The following PCLO variants were observed in gnomAD, a reference collection of about 807,000 sequenced individuals.
PCLO encodes the protein piccolo presynaptic cytomatrix protein, also known as protein piccolo.
Under a neutral mutation model 427.5 loss-of-function variants are expected in PCLO, and 82 were observed. That is an observed-to-expected ratio of 0.19 (90% CI 0.16 to 0.23). PCLO has a LOEUF of 0.23. Among genes scored for constraint, PCLO ranks in the 10% least tolerant of loss-of-function variants. PCLO has a pLI of 1.00. For missense variants in PCLO, 6,239 were observed against 6,115.9 expected (o/e 1.02, Z -0.67); for synonymous variants, 2,357 against 2,155.4 (o/e 1.09, Z -2.59).
intron 3 of PCLO, among the ~76,000 whole-genome samples, chr7:83,096,887 T>C (rs1180345119): frequency 3.2e-5 from 2 of 61,900 alleles, no homozygotes; most frequent in Non-Finnish European, 5.2e-5. Flanking sequence ...AAATATATTA[T>C]ATAATATATT....
intron 3 of PCLO, among the ~76,000 whole-genome samples, chr7:83,074,480 G>A (rs999671438): frequency 3.3e-5 from 5 of 150,270 alleles, no homozygotes; most frequent in African/African-American, 9.8e-5. Context: ...TGCCCAGATA[G>A]GCTGCATGGA....
chr7:82,864,003 T>G (rs1162100528), intron 10 of PCLO, among the ~76,000 whole-genome samples: 1 of 152,060 alleles, frequency 6.6e-6, no homozygotes, highest in Non-Finnish European at 1.5e-5. Flanking sequence ...ATCCCCATTT[T>G]CACAATAAAA....
intron 10 of PCLO, among the ~76,000 whole-genome samples, chr7:82,853,101 C>G (rs1792707696): frequency 6.6e-6 from 1 of 152,064 alleles, no homozygotes; most frequent in African/African-American, 2.4e-5. Flanking sequence ...CAGGTACAAT[C>G]TCTTTACCCA....
chr7:82,994,583 T>A (rs188552765), intron 3 of PCLO, among the ~76,000 whole-genome samples: 2 of 147,938 alleles, frequency 1.4e-5, no homozygotes, highest in Admixed American at 6.9e-5. Context: ...ATTTTATTTT[T>A]TATATATATT....
Position 82,766,096 on chromosome 7 carries a change from A to G in PCLO, c.15008-4603T>C, listed in dbSNP as rs138003205. ...AGGAAAAGAGAAATGAATTGACAAA[A>G]CCCTGAGAATTATTACTAAATCCCC... On this transcript the variant is annotated intron_variant, in intron 22 of 24. Transcript: ENST00000333891. Among the ~76,000 whole-genome samples, 884 of 152,184 alleles carry G rather than the reference A, an allele frequency of 5.8e-3. 5 individuals are homozygous for G. Among genetic ancestry groups the G allele is most frequent in the African/African-American group, 0.02 (823 of 41,548 alleles).
At chr7:82,968,517 C>CTTTTTTTTTTTTTTTTTTT (rs11324005) in intron 3 of PCLO, among the ~76,000 whole-genome samples, 2 of 73,216 alleles carry the variant, frequency 2.7e-5, no homozygotes, top group African/African-American at 9.6e-5. Flanking sequence ...CAGAGTCTGA[C>CTTTTTTTTTTTTTTTTTTT]TTTTTTTTTT....
intron 3 of PCLO, among the ~76,000 whole-genome samples, chr7:83,110,720 T>C (rs2116521952): frequency 6.6e-6 from 1 of 152,284 alleles, no homozygotes; most frequent in South Asian, 2.1e-4. Flanking sequence ...TACTCCAACT[T>C]TACTTGATTT....
intron 20 of PCLO, among the ~76,000 whole-genome samples, chr7:82,819,390 T>G (rs1471489247): frequency 6.6e-6 from 1 of 152,084 alleles, no homozygotes; most frequent in Non-Finnish European, 1.5e-5. Flanking sequence ...ATATAAAATG[T>G]CATATAGAAA....
intron 3 of PCLO, among the ~76,000 whole-genome samples, chr7:83,064,930 G>C (rs34709701): frequency 0.36 from 54,180 of 151,620 alleles, 9,767 homozygotes; most frequent in Middle Eastern, 0.42. Context: ...GTGGGAGATG[G>C]ATTCTGTTGG....
intron 22 of PCLO, among the ~76,000 whole-genome samples, chr7:82,789,283 A>G (rs778535997): frequency 6.6e-6 from 1 of 152,236 alleles, no homozygotes; most frequent in Non-Finnish European, 1.5e-5. Context: ...TGTAAAAAAT[A>G]GTTGAATCAA....
intron 10 of PCLO, among the ~76,000 whole-genome samples, chr7:82,855,018 G>C (rs112995359): frequency 0.024 from 3,726 of 152,148 alleles, 59 homozygotes; most frequent in Middle Eastern, 0.037. Flanking sequence ...TTCTAGGTCT[G>C]AGTACATTGA....
In PCLO at chr7:83,134,263, G is replaced by A. The variant is rs1166645227; in HGVS notation, c.3287C>T (p.Pro1096Leu). ...VCNLCGFNPT[P>L]HLTEIQEWLC... The stretch of plus-strand genomic sequence containing the variant: ...TATATAACTTACCTCAGTCAAATGT[G>A]GTGTAGGGTTAAATCCACAGAGATT... Residue 1096 changes from proline to leucine, a missense_variant, in exon 3 of 25, where the codon CCA becomes CTA. This residue lies in a region of PCLO where 4,677 missense variants were observed against 4,468.4 expected (regional missense o/e 1.05). Transcript: ENST00000333891. 1 of 1,411,984 alleles carries A rather than the reference G, an allele frequency of 7.1e-7. No homozygotes were observed. The highest frequency in any genetic ancestry group is 1.8e-4 in the Middle Eastern group (1 of 5,518). 87.5% of individuals were successfully genotyped at this position (1,411,984 alleles called of 1,614,324 possible). A position where few individuals can be genotyped will look rare whatever the true frequency, so the allele number is the denominator to read the frequency against.
intron 2 of PCLO, among the ~76,000 whole-genome samples, chr7:83,143,996 G>A (rs1434357984): frequency 6.6e-6 from 1 of 152,158 alleles, no homozygotes; most frequent in Non-Finnish European, 1.5e-5. Context: ...TTATATTAGT[G>A]AAAAGAATCA....
At position 83,096,905 on chromosome 7, in the gene PCLO, TATTATCTAA is replaced by T. The variant is rs1348982284; in HGVS notation, c.3300+37336_3300+37344del. ...TATATTATATAATATATTAATATTA[TATTATCTAA>T]ATATATATAATATAATATAATATAT... On this transcript the variant is annotated intron_variant, in intron 3 of 24. Coordinates refer to ENST00000333891, the MANE Select transcript of PCLO (RefSeq NM_033026.6). 4.7e-3 allele frequency among the ~76,000 whole-genome samples: 247 copies of T among 52,370 alleles called. 21 individuals are homozygous for T. The highest frequency in any genetic ancestry group is 7.9e-3 in the East Asian group (11 of 1,400). The allele number at this position is 52,370 out of a possible 152,430, so 34.4% of individuals were successfully genotyped here.
intron 2 of PCLO, among the ~76,000 whole-genome samples, chr7:83,139,885 C>A (rs950604228): frequency 1.3e-5 from 2 of 152,110 alleles, no homozygotes; most frequent in Admixed American, 6.5e-5. Context: ...CTGGCCAAAT[C>A]TGTTGAAGGT....
chr7:83,104,262 A>G (rs1302008690), intron 3 of PCLO, among the ~76,000 whole-genome samples: 4 of 152,058 alleles, frequency 2.6e-5, no homozygotes, highest in Admixed American at 2.6e-4. Flanking sequence ...AAGTAAATTC[A>G]AAAGTCTTAT....
In PCLO at chr7:83,139,364, T is replaced by C. The variant is rs562446111; in HGVS notation, c.1894-3708A>G. Among the ~76,000 whole-genome samples, 3 of 152,350 alleles carry C rather than the reference T, an allele frequency of 2.0e-5. No individual in the cohort carries two copies. The East Asian group carries it at 5.8e-4, about 29-fold the overall frequency. The stretch of plus-strand genomic sequence containing the variant: ...TGGTTTCATTAGTAAAATTCTAAGT[T>C]TCTTTGCAATCTGAACATTGGAGCT... On this transcript the variant is annotated intron_variant, in intron 2 of 24. Coordinates refer to ENST00000333891, the MANE Select transcript of PCLO (RefSeq NM_033026.6).
chr7:82,969,149 G>A (rs1049037040), intron 3 of PCLO, among the ~76,000 whole-genome samples: 3 of 152,012 alleles, frequency 2.0e-5, no homozygotes, highest in African/African-American at 7.2e-5. Context: ...AATGTGTTGA[G>A]AAAATAAAAC....
chr7:82,909,408 T>C (rs1423386476), intron 7 of PCLO, among the ~76,000 whole-genome samples: 1 of 151,868 alleles, frequency 6.6e-6, no homozygotes, highest in Non-Finnish European at 1.5e-5. Flanking sequence ...TCCCATACTC[T>C]CCCCACAACC....
Sources: gnomAD v4.1 joint callset for allele counts (sites outside exome capture counted in the v4.1 genomes callset) on GRCh38, gnomAD v4.1.1 for gene constraint, gnomAD v4.1.1 regional missense constraint, MANE v1.5 for transcripts, NCBI Gene and HGNC (gene_info 2026-07-23, HGNC 2026-07-21) for gene names.